ARL8B: variants seen among roughly 807,000 people sequenced by gnomAD.
ARL8B encodes ARF like GTPase 8B.
A neutral mutation model predicts 30.6 loss-of-function variants in ARL8B; 9 were observed. That is an observed-to-expected ratio of 0.29 (90% CI 0.18 to 0.51). The LOEUF is 0.51. Among genes scored for constraint, ARL8B ranks in the 20% least tolerant of loss-of-function variants. The probability of loss-of-function intolerance (pLI) is 0.97; values close to 1 mark genes in which losing one functional copy is unlikely to be tolerated. For missense variants in ARL8B, 130 were observed against 227.2 expected (o/e 0.57, Z 2.75); for synonymous variants, 74 against 76.0 (o/e 0.97, Z 0.14).
intron 1 of ARL8B, among the ~76,000 whole-genome samples, chr3:5,123,143 C>A (rs1219513870): frequency 6.6e-6 from 1 of 152,122 alleles, no homozygotes; most frequent in East Asian, 1.9e-4. Context: ...TTGTTTTCAC[C>A]CGTCCCCCAG....
chr3:5,166,240 A>G (rs553985412), intron 1 of ARL8B, among the ~76,000 whole-genome samples: 3 of 150,596 alleles, frequency 2.0e-5, no homozygotes, highest in Non-Finnish European at 2.9e-5. Context: ...GGGTTTCACT[A>G]TGTTGGCCCA....
chr3:5,160,323 ACAAG>A (rs1256097641), intron 1 of ARL8B, among the ~76,000 whole-genome samples: 1 of 152,234 alleles, frequency 6.6e-6, no homozygotes, highest in Non-Finnish European at 1.5e-5. Flanking sequence ...CTAATCACAG[ACAAG>A]CAAGTTGAAT....
intron 1 of ARL8B, among the ~76,000 whole-genome samples, chr3:5,166,126 G>C (rs1354322572): frequency 6.8e-6 from 1 of 147,868 alleles, no homozygotes; most frequent in Non-Finnish European, 1.5e-5. Flanking sequence ...TGCAACCTCC[G>C]CTTCCCGGGT....
intron 1 of ARL8B, among the ~76,000 whole-genome samples, chr3:5,132,464 C>T (rs554279849): frequency 1.1e-4 from 17 of 152,288 alleles, no homozygotes; most frequent in Admixed American, 4.6e-4. Context: ...GCCTTGAACT[C>T]CTCACCTTAG....
intron 1 of ARL8B, among the ~76,000 whole-genome samples, chr3:5,133,780 TA>T (rs1294042054): frequency 6.6e-6 from 1 of 151,690 alleles, no homozygotes; most frequent in African/African-American, 2.4e-5. Context: ...AATAAAAAAA[TA>T]AAAAAAATTA....
chr3:5,124,463 A>T (rs1238199684), intron 1 of ARL8B, among the ~76,000 whole-genome samples: 1 of 151,132 alleles, frequency 6.6e-6, no homozygotes, highest in Non-Finnish European at 1.5e-5. Context: ...TTATATTAGA[A>T]TTTTTTTCTT....
intron 1 of ARL8B, among the ~76,000 whole-genome samples, chr3:5,151,501 A>G (rs1377135955): frequency 1.3e-5 from 2 of 152,144 alleles, no homozygotes; most frequent in South Asian, 2.1e-4. Context: ...TAGCTGCATT[A>G]TACAAATTCT....
At chr3:5,170,386 T>C (rs1391668192) in intron 1 of ARL8B, 117 bp from the exon 2 acceptor site, 1 of 575,806 alleles carries the variant, frequency 1.7e-6, no homozygotes. Context: ...AAGTAGATTG[T>C]TACCAATGGT....
At chr3:5,178,325 C>T (rs546555274) in intron 6 of ARL8B, among the ~76,000 whole-genome samples, 5 of 151,428 alleles carry the variant, frequency 3.3e-5, no homozygotes, top group African/African-American at 9.7e-5. Context: ...CTTAAAAGCG[C>T]CTTGAGGGCA....
intron 6 of ARL8B, 152 bp from the exon 7 acceptor site, chr3:5,178,512 G>C: frequency 1.7e-6 from 1 of 590,280 alleles, no homozygotes; most frequent in Non-Finnish European, 2.8e-6. Flanking sequence ...TTCTCTTGAA[G>C]TTCGGGTAAT....
chr3:5,141,376 C>G (rs1398674308), intron 1 of ARL8B, among the ~76,000 whole-genome samples: 1 of 152,172 alleles, frequency 6.6e-6, no homozygotes, highest in African/African-American at 2.4e-5. Flanking sequence ...TTACTTTCTT[C>G]CTTATAGGAG....
At chr3:5,169,886 A>G (rs2054656441) in intron 1 of ARL8B, among the ~76,000 whole-genome samples, 1 of 152,248 alleles carries the variant, frequency 6.6e-6, no homozygotes, top group Admixed American at 6.5e-5. Context: ...CGAGTTCTGT[A>G]TAGGAAGTTA....
chr3:5,134,664 T>C (rs981426946), intron 1 of ARL8B, among the ~76,000 whole-genome samples: 2 of 152,216 alleles, frequency 1.3e-5, no homozygotes, highest in African/African-American at 4.8e-5. Flanking sequence ...CATTTTACTG[T>C]GTGGTTGAAA....
At chr3:5,129,691 C>T (rs966592689) in intron 1 of ARL8B, among the ~76,000 whole-genome samples, 10 of 152,002 alleles carry the variant, frequency 6.6e-5, no homozygotes, top group Middle Eastern at 3.2e-3. Flanking sequence ...GGACCACAGG[C>T]GTATGTCACT....
chr3:5,160,091 G>A (rs1213380003), intron 1 of ARL8B, among the ~76,000 whole-genome samples: 1 of 152,140 alleles, frequency 6.6e-6, no homozygotes, highest in Non-Finnish European at 1.5e-5. Context: ...ATATAAAAAT[G>A]CAGGTGTTTA....
intron 1 of ARL8B, among the ~76,000 whole-genome samples, chr3:5,154,996 A>G (rs558771539): frequency 6.6e-6 from 1 of 152,172 alleles, no homozygotes; most frequent in Non-Finnish European, 1.5e-5. Context: ...CAGCCTCCCA[A>G]AGTGCTGGGA....
intron 1 of ARL8B, among the ~76,000 whole-genome samples, chr3:5,138,094 GA>G (rs1170476018): frequency 6.6e-6 from 1 of 150,612 alleles, no homozygotes; most frequent in Non-Finnish European, 1.5e-5. Flanking sequence ...GCAACTTGGT[GA>G]AAAATTTACT....
At chr3:5,127,893 A>G (rs1575557177) in intron 1 of ARL8B, among the ~76,000 whole-genome samples, 1 of 148,688 alleles carries the variant, frequency 6.7e-6, no homozygotes, top group East Asian at 1.9e-4. Context: ...AAAAAAAAAA[A>G]AAAAAAAAGC....
At chr3:5,132,121 T>C (rs948893844) in intron 1 of ARL8B, among the ~76,000 whole-genome samples, 1 of 152,214 alleles carries the variant, frequency 6.6e-6, no homozygotes, top group Non-Finnish European at 1.5e-5. Context: ...ACTACTGGGC[T>C]CAAGCTGTCC....
Sources: allele counts gnomAD v4.1 joint callset (sites outside exome capture counted in the v4.1 genomes callset), GRCh38; gene constraint gnomAD v4.1.1; transcripts MANE v1.5; gene names NCBI Gene and HGNC (gene_info 2026-07-23, HGNC 2026-07-21).